KCNQ5: variants seen among roughly 807,000 people sequenced by gnomAD.
KCNQ5 encodes potassium voltage-gated channel subfamily Q member 5, also known as potassium voltage-gated channel subfamily KQT member 5.
KCNQ5 carries 30 observed loss-of-function variants against 98.2 expected under a neutral mutation model. The ratio of observed to expected loss-of-function variants is 0.31; its 90% confidence interval spans 0.23 to 0.41. The LOEUF (loss-of-function observed/expected upper bound fraction) is 0.41. Among genes scored for constraint, KCNQ5 ranks in the 10% least tolerant of loss-of-function variants. The probability of loss-of-function intolerance (pLI) is 1.00; values close to 1 mark genes in which losing one functional copy is unlikely to be tolerated. For synonymous variants in KCNQ5, 458 were observed against 449.4 expected (o/e 1.02, Z -0.24); for missense variants, 835 against 1,182.5 (o/e 0.71, Z 4.31).
Position 73,194,980 on chromosome 6 carries a change from G to A in KCNQ5, c.2365G>A (p.Glu789Lys), listed in dbSNP as rs370510594. 134 of 1,614,070 alleles carry A rather than the reference G, an allele frequency of 8.3e-5. No homozygotes were observed. The highest frequency in any genetic ancestry group is 1.1e-4 in the Non-Finnish European group (124 of 1,180,052). Residue 789 changes from glutamate to lysine, a missense_variant, in exon 14 of 14, where the codon GAA becomes AAA. Coordinates refer to ENST00000370398, the MANE Select transcript of KCNQ5 (RefSeq NM_019842.4). ...DVTTCLVASK[E>K]NVQVAQSNLT... ...CACCACCTGCCTTGTTGCCTCCAAG[G>A]AAAATGTTCAGGTTGCACAGTCAAA... is the stretch of plus-strand genomic sequence containing the variant.
At chr6:72,936,246 T>C (rs1011754582) in intron 1 of KCNQ5, among the ~76,000 whole-genome samples, 4 of 152,198 alleles carry the variant, frequency 2.6e-5, no homozygotes, top group African/African-American at 9.7e-5. Context: ...CCACCTATTC[T>C]CTATCCCATT....
At chr6:72,972,699 T>C (rs1767963259) in intron 1 of KCNQ5, among the ~76,000 whole-genome samples, 1 of 152,158 alleles carries the variant, frequency 6.6e-6, no homozygotes, top group Admixed American at 6.5e-5. Context: ...GCTGCTTCTT[T>C]GTATAAGTGC....
chr6:72,731,504 G>T (rs957568950), intron 1 of KCNQ5, among the ~76,000 whole-genome samples: 11 of 152,184 alleles, frequency 7.2e-5, no homozygotes, highest in African/African-American at 2.4e-4. Flanking sequence ...ACGCATCTGT[G>T]ATTCAGGCTT....
intron 2 of KCNQ5, among the ~76,000 whole-genome samples, chr6:73,021,062 G>A (rs1354059905): frequency 6.6e-6 from 1 of 151,978 alleles, no homozygotes; most frequent in African/African-American, 2.4e-5. Context: ...TCACCATCTT[G>A]GTAATTCCTA....
At chr6:72,780,088 A>G (rs536540365) in intron 1 of KCNQ5, among the ~76,000 whole-genome samples, 16 of 152,270 alleles carry the variant, frequency 1.1e-4, no homozygotes, top group Non-Finnish European at 1.5e-5. Context: ...ATTTAGTTAA[A>G]GGCATTTATT....
intron 1 of KCNQ5, among the ~76,000 whole-genome samples, chr6:72,761,679 G>A (rs977930317): frequency 6.6e-6 from 1 of 151,784 alleles, no homozygotes; most frequent in African/African-American, 2.4e-5. Flanking sequence ...TGTGGTTAAT[G>A]TCATTTAACT....
At chr6:72,695,048 T>A (rs973945146) in intron 1 of KCNQ5, among the ~76,000 whole-genome samples, 2 of 152,168 alleles carry the variant, frequency 1.3e-5, no homozygotes, top group African/African-American at 4.8e-5. Context: ...TTTCATTCAT[T>A]TTTATGGCTG....
intron 1 of KCNQ5, among the ~76,000 whole-genome samples, chr6:72,962,766 G>A (rs1184995737): frequency 6.6e-6 from 1 of 152,172 alleles, no homozygotes; most frequent in African/African-American, 2.4e-5. Context: ...GAGGCCACTG[G>A]AGCCAGGACT....
intron 1 of KCNQ5, among the ~76,000 whole-genome samples, chr6:72,763,322 A>C (rs1193347031): frequency 1.3e-5 from 2 of 152,000 alleles, no homozygotes; most frequent in Non-Finnish European, 2.9e-5. Flanking sequence ...TATAAACACT[A>C]TCTGTGTAGA....
At chr6:72,829,824 G>C (rs1273784995) in intron 1 of KCNQ5, among the ~76,000 whole-genome samples, 1 of 152,144 alleles carries the variant, frequency 6.6e-6, no homozygotes, top group African/African-American at 2.4e-5. Flanking sequence ...TTTTCTAAGA[G>C]AGTAGTGGGA....
Position 73,197,353 on chromosome 6 carries a change from T to C in KCNQ5, c.*1939T>C, listed in dbSNP as rs1765823359. 1 of 152,192 alleles carries C rather than the reference T, an allele frequency of 6.6e-6. No homozygotes were observed. Among genetic ancestry groups the C allele is most frequent in the East Asian group, 1.9e-4 (1 of 5,196 alleles). The allele number at this position is 152,192 out of a possible 1,614,324, so 9.4% of individuals were successfully genotyped here. A position where few individuals can be genotyped will look rare whatever the true frequency, so the allele number is the denominator to read the frequency against. On this transcript the variant is annotated 3_prime_UTR_variant, in exon 14 of 14. Coordinates refer to ENST00000370398, the MANE Select transcript of KCNQ5 (RefSeq NM_019842.4). ...CATGGAAATTTTTAAAGCTTCCTCTTCGCATCCCACTTGGATTCTAAGACA... is the reference window on the plus strand; with the variant it reads ...CATGGAAATTTTTAAAGCTTCCTCTCCGCATCCCACTTGGATTCTAAGACA...
intron 10 of KCNQ5, among the ~76,000 whole-genome samples, chr6:73,166,296 C>T (rs976208563): frequency 6.6e-6 from 1 of 150,900 alleles, no homozygotes; most frequent in South Asian, 2.1e-4. Context: ...AGTAGCTGGG[C>T]ATGGTGGCGG....
In KCNQ5 at chr6:72,795,688, T is replaced by C. The variant is rs566567110; in HGVS notation, c.398+173101T>C. ...AATTGTATTAAAAGCATTTGTTGTA[T>C]ATCCCAAAGATATTTTAGGAGTCAC... On this transcript the variant is annotated intron_variant, in intron 1 of 13. Transcript: ENST00000370398. Among the ~76,000 whole-genome samples the C allele has an allele frequency of 2.0e-5, 3 of 152,286 alleles. No homozygotes were observed. In the South Asian group the frequency reaches 6.2e-4, roughly 32 times the overall value.
At chr6:72,770,944 C>T (rs1421670154) in intron 1 of KCNQ5, among the ~76,000 whole-genome samples, 1 of 152,070 alleles carries the variant, frequency 6.6e-6, no homozygotes, top group Non-Finnish European at 1.5e-5. Context: ...TTGGCTTTCA[C>T]ATTTAGAGAG....
At chr6:72,671,012 A>C (rs887344684) in intron 1 of KCNQ5, among the ~76,000 whole-genome samples, 2 of 152,186 alleles carry the variant, frequency 1.3e-5, no homozygotes, top group Admixed American at 6.5e-5. Flanking sequence ...ACCTTATAAC[A>C]AGGATCACCT....
At chr6:72,720,054 A>G (rs1022388093) in intron 1 of KCNQ5, among the ~76,000 whole-genome samples, 1 of 152,222 alleles carries the variant, frequency 6.6e-6, no homozygotes, top group Admixed American at 6.5e-5. Context: ...CATATCTGTT[A>G]GGCATGCATG....
intron 1 of KCNQ5, among the ~76,000 whole-genome samples, chr6:72,726,503 A>G (rs992724661): frequency 2.0e-5 from 3 of 152,224 alleles, no homozygotes; most frequent in East Asian, 3.9e-4. Flanking sequence ...GTAAGCCACC[A>G]CGCCCAGCCA....
At chr6:72,795,406 A>G (rs1303146447) in intron 1 of KCNQ5, among the ~76,000 whole-genome samples, 1 of 152,196 alleles carries the variant, frequency 6.6e-6, no homozygotes, top group Non-Finnish European at 1.5e-5. Flanking sequence ...ATATTGCAAA[A>G]ATTTGTATTG....
intron 5 of KCNQ5, among the ~76,000 whole-genome samples, chr6:73,082,385 A>T (rs1388385755): frequency 1.3e-5 from 2 of 152,228 alleles, no homozygotes; most frequent in African/African-American, 2.4e-5. Context: ...TCAAAACGTC[A>T]TGACCTTACC....
Sources: gnomAD v4.1 joint callset for allele counts (sites outside exome capture counted in the v4.1 genomes callset) on GRCh38, gnomAD v4.1.1 for gene constraint, MANE v1.5 for transcripts, NCBI Gene and HGNC (gene_info 2026-07-23, HGNC 2026-07-21) for gene names.